The following CYGB variants were observed in gnomAD, a reference collection of about 807,000 sequenced individuals.
CYGB encodes cytoglobin.
A neutral mutation model predicts 20.7 loss-of-function variants in CYGB; 13 were observed. The observed-to-expected ratio is 0.63, with a 90% CI of 0.41 to 1.00. The LOEUF (loss-of-function observed/expected upper bound fraction) is 1.00. Ranked by LOEUF, CYGB falls within the 50% of genes least tolerant of loss-of-function variation. The pLI, the probability that CYGB is intolerant of heterozygous loss-of-function variation, is 0.00. For synonymous variants in CYGB, 93 were observed against 107.4 expected (o/e 0.87, Z 0.83); for missense variants, 218 against 257.2 (o/e 0.85, Z 1.04).
Position 76,531,814 on chromosome 17 carries a change from GT to G in CYGB, c.144-124del. The G allele has an allele frequency of 2.6e-6, 2 of 761,916 alleles. No individual in the cohort carries two copies. The highest frequency in any genetic ancestry group is 4.2e-6 in the Non-Finnish European group (2 of 474,588). 47.2% of individuals were successfully genotyped at this position (761,916 alleles called of 1,614,324 possible). On this transcript the variant is annotated intron_variant, in intron 1 of 3. Coordinates refer to ENST00000293230, the MANE Select transcript of CYGB (RefSeq NM_134268.5). This position sits in a 1 kb window ranked among gnomAD's most constrained non-coding sequence, Gnocchi z 7.4. ...TGCTCCCCACCCCCGCACCGTCACT[GT>G]TTTCACTACCATCAGTAGACCTCAG...
At position 76,547,858 on chromosome 17, in the gene CYGB, T is replaced by C. The variant is rs940171747; in HGVS notation, c.-53+3004A>G. Among the ~76,000 whole-genome samples the C allele has an allele frequency of 2.8e-5, 4 of 141,208 alleles. No individual in the cohort carries two copies. In the South Asian group the frequency reaches 9.1e-4, roughly 32 times the overall value. The allele number at this position is 141,208 out of a possible 152,430, so 92.6% of individuals were successfully genotyped here. Reference sequence around the variant, plus strand: ...ACACACATTCACACACACACAGACATACACATATACATATTCACACACATA... The same window carrying C: ...ACACACATTCACACACACACAGACACACACATATACATATTCACACACATA... On this transcript the variant is annotated intron_variant, in intron 1 of 3. Coordinates refer to the CYGB transcript ENST00000589145.
chr17:76,544,085 A>G (rs554598037), intron 1 of CYGB: 6 of 454,618 alleles, frequency 1.3e-5, no homozygotes, highest in Admixed American at 4.7e-5. Context: ...TCAATCCTGC[A>G]TGATCCTGAG....
chr17:76,532,948 G>A (rs554960821), intron 1 of CYGB, among the ~76,000 whole-genome samples: 5 of 152,322 alleles, frequency 3.3e-5, no homozygotes, highest in African/African-American at 9.6e-5. Context: ...AAAATGTATG[G>A]AGTGGCCTGG....
Position 76,530,794 on chromosome 17 carries a change from G to A in CYGB, c.539+185C>T, listed in dbSNP as rs752190408. Among the ~76,000 whole-genome samples, 1 of 152,124 alleles carries A rather than the reference G, an allele frequency of 6.6e-6. No homozygotes were observed. The highest frequency in any genetic ancestry group is 1.5e-5 in the Non-Finnish European group (1 of 68,008). On this transcript the variant is annotated intron_variant, in intron 3 of 3. Transcript: ENST00000293230. The surrounding 1 kb of genome is among the most constrained non-coding windows in gnomAD (Gnocchi z 6.1). ...TGGCTCTGAGCAGCCTGAAGTCACA[G>A]GGGAGCCATCTTGAAGGCCTTTCCT...
chr17:76,529,104 A>C, intron 3 of CYGB: 4 of 974,700 alleles, frequency 4.1e-6, no homozygotes, highest in Non-Finnish European at 4.8e-6. Flanking sequence ...ACGGCTCAAT[A>C]AACAGTGGCG....
rs1231280167 is a variant in CYGB, at chr17:76,530,296, C to T, written c.539+683G>A. On this transcript the variant is annotated intron_variant, in intron 3 of 3. Transcript: ENST00000293230. This position sits in a 1 kb window ranked among gnomAD's most constrained non-coding sequence, Gnocchi z 6.1. ...GGCCGAGTGTTCCCAACCGCCACAT[C>T]TGGGGGCTAGCCCTCCCCTCACGCT... Among the ~76,000 whole-genome samples the T allele has an allele frequency of 1.3e-5, 2 of 152,062 alleles. No homozygotes were observed. The highest frequency in any genetic ancestry group is 2.9e-5 in the Non-Finnish European group (2 of 67,984).
chr17:76,550,732 G>A (rs1025287023), intron 1 of CYGB: 2 of 152,226 alleles, frequency 1.3e-5, no homozygotes, highest in Non-Finnish European at 2.9e-5. Context: ...AACAAAACAA[G>A]AATGAAGAAT....
At position 76,531,142 on chromosome 17, in the gene CYGB, T is replaced by A. The variant is rs201844279; in HGVS notation, c.376A>T (p.Ile126Phe). 1.3e-4 allele frequency: 212 copies of A among 1,612,108 alleles called. No individual in the cohort carries two copies. The highest frequency in any genetic ancestry group is 1.7e-4 in the Non-Finnish European group (205 of 1,178,894). The change falls in exon 3 of 4, where the codon ATC (isoleucine) becomes TTC (phenylalanine). Residue 126 changes from isoleucine (I) to phenylalanine (F), a missense_variant and splice_region_variant. By Grantham distance (21) the Ile-to-Phe change is conservative (BLOSUM62 0). Coordinates refer to ENST00000293230, the MANE Select transcript of CYGB (RefSeq NM_134268.5). The surrounding 1 kb of genome is among the most constrained non-coding windows in gnomAD (Gnocchi z 7.4). ...KHKVEPVYFKILSGVILEVVA... is the reference protein window; with the variant it reads ...KHKVEPVYFKFLSGVILEVVA... ...ACCTCCAGAATGACCCCAGAGAGGA[T>A]CTGGGGGCAAAGGGAGGAAGGGGGA...
upstream of CYGB, chr17:76,540,539 A>T: frequency 6.2e-7 from 1 of 1,613,486 alleles, no homozygotes; most frequent in Non-Finnish European, 8.5e-7. This position sits in a 1 kb window ranked among gnomAD's most constrained non-coding sequence, Gnocchi z 5.0. Flanking sequence ...AGCTAGGGGC[A>T]GCAGCTTGGA....
chr17:76,545,226 CCT>C (rs771768856), intron 1 of CYGB: 2 of 456,796 alleles, frequency 4.4e-6, no homozygotes, highest in South Asian at 3.1e-5. Context: ...CAGAAAGTTA[CCT>C]CTCTCAGCCT....
chr17:76,528,153 G>A lies in CYGB; in HGVS notation c.*425C>T. The A allele has an allele frequency of 2.7e-6, 1 of 376,624 alleles. No homozygotes were observed. The highest frequency in any genetic ancestry group is 4.7e-6 in the Non-Finnish European group (1 of 214,358). 23.3% of individuals were successfully genotyped at this position (376,624 alleles called of 1,614,324 possible). On this transcript the variant is annotated 3_prime_UTR_variant, in exon 4 of 4. Transcript: ENST00000293230. The surrounding 1 kb of genome is among the most constrained non-coding windows in gnomAD (Gnocchi z 5.8). Reference sequence around the variant, plus strand: ...ATATGTATATATATATTTATATATAGCTCGTATATAGAATATATCTGTATA... The same window carrying A: ...ATATGTATATATATATTTATATATAACTCGTATATAGAATATATCTGTATA...
At position 76,533,477 on chromosome 17, in the gene CYGB, C is replaced by T. The variant is rs1310294123; in HGVS notation, c.144-1786G>A. ...CGGTGGCTCACGCCTATAATCCTAG[C>T]ACTTTACGAGGCCGAGGCGGGTGGA... On this transcript the variant is annotated intron_variant, in intron 1 of 3. Transcript: ENST00000293230. This position sits in a 1 kb window ranked among gnomAD's most constrained non-coding sequence, Gnocchi z 4.5. 6.6e-6 allele frequency among the ~76,000 whole-genome samples: 1 copy of T among 152,202 alleles called. No individual in the cohort carries two copies. Among genetic ancestry groups the T allele is most frequent in the Non-Finnish European group, 1.5e-5 (1 of 68,028 alleles).
At chr17:76,544,571 C>T (rs2075032095) in intron 1 of CYGB, 2 of 456,584 alleles carry the variant, frequency 4.4e-6, no homozygotes, top group South Asian at 3.1e-5. Flanking sequence ...CCTGCAGAGG[C>T]AAAGCCAGAG....
Position 76,547,172 on chromosome 17 carries a change from G to C in CYGB, c.-53+3690C>G, listed in dbSNP as rs890227970. The C allele has an allele frequency of 3.3e-5, 5 of 152,420 alleles. No individual in the cohort carries two copies. The South Asian group carries it at 8.3e-4, about 25-fold the overall frequency. The allele number at this position is 152,420 out of a possible 1,614,324, so 9.4% of individuals were successfully genotyped here. ...AGGCTGGTTCTTGCCTGCCAGGTGAGGGGGAGAGGAGAGCTGCCCCTTTAG... is the reference window on the plus strand; with the variant it reads ...AGGCTGGTTCTTGCCTGCCAGGTGACGGGGAGAGGAGAGCTGCCCCTTTAG... On this transcript the variant is annotated intron_variant, in intron 1 of 3. Transcript: ENST00000589145.
chr17:76,544,990 C>T (rs963184561), intron 1 of CYGB: 13 of 450,572 alleles, frequency 2.9e-5, no homozygotes, highest in East Asian at 7.2e-5. Flanking sequence ...GGGCTGCTGG[C>T]GGCCAGCGGG....
Position 76,537,677 on chromosome 17 carries a change from G to A in CYGB, c.-135C>T, listed in dbSNP as rs575223670. ...GCGAGGGGTAGAGCGCGGAGGGAGG[G>A]AGCGTGTGTCTGTGCGCGCCGGGTG... is the stretch of plus-strand genomic sequence containing the variant. On this transcript the variant is annotated 5_prime_UTR_variant, in exon 1 of 4. Transcript: ENST00000293230. 888 of 823,958 alleles carry A rather than the reference G, an allele frequency of 1.1e-3. 17 individuals are homozygous for A. In the African/African-American group the frequency reaches 0.014, roughly 13 times the overall value. The allele number at this position is 823,958 out of a possible 1,614,324, so 51.0% of individuals were successfully genotyped here. A position where few individuals can be genotyped will look rare whatever the true frequency, so the allele number is the denominator to read the frequency against.
At chr17:76,542,472 GGGAGGA>G, upstream of CYGB, 1 of 1,517,498 alleles carries the variant, frequency 6.6e-7, no homozygotes, top group Non-Finnish European at 9.2e-7. Flanking sequence ...TGATAGGGAT[GGGAGGA>G]GGAGGAAGAG....
chr17:76,540,048 G>A (rs892886625), upstream of CYGB: 90 of 1,303,238 alleles, frequency 6.9e-5, no homozygotes, highest in Non-Finnish European at 8.9e-5. The surrounding 1 kb of genome is among the most constrained non-coding windows in gnomAD (Gnocchi z 5.0). Flanking sequence ...CAGGACAGAC[G>A]GCAGTGGCTC....
At chr17:76,534,168 CTCTCTCTCTTTCTT>C (rs2074887610) in intron 1 of CYGB, among the ~76,000 whole-genome samples, 1 of 146,548 alleles carries the variant, frequency 6.8e-6, no homozygotes, top group Admixed American at 6.8e-5. Context: ...CTCTCTCTCT[CTCTCTCTCTTTCTT>C]TCTTTCTTTC....
Sources: allele counts gnomAD v4.1 joint callset (sites outside exome capture counted in the v4.1 genomes callset), GRCh38; gene constraint gnomAD v4.1.1; non-coding constraint Gnocchi (gnomAD v3.1); transcripts MANE v1.5; gene names NCBI Gene and HGNC (gene_info 2026-07-23, HGNC 2026-07-21).